The following NRG3 variants were observed in gnomAD, a reference collection of about 807,000 sequenced individuals.
The protein encoded by NRG3 is pro-neuregulin-3, membrane-bound isoform.
A neutral mutation model predicts 66.9 loss-of-function variants in NRG3; 31 were observed. The observed-to-expected ratio is 0.46, with a 90% CI of 0.35 to 0.63. NRG3 has a LOEUF of 0.63. NRG3 is among the 20% of genes least tolerant of loss of function. NRG3 has a pLI of 0.00. For synonymous variants in NRG3, 393 were observed against 359.4 expected (o/e 1.09, Z -1.06); for missense variants, 910 against 878.9 (o/e 1.04, Z -0.45).
chr10:82,219,317 A>G (rs1371055974), intron 1 of NRG3, among the ~76,000 whole-genome samples: 1 of 147,710 alleles, frequency 6.8e-6, no homozygotes, highest in Non-Finnish European at 1.5e-5. Flanking sequence ...TTTTTTGGCA[A>G]TAAAAAATAT....
chr10:82,208,134 A>T (rs2075217785), intron 1 of NRG3, among the ~76,000 whole-genome samples: 1 of 152,282 alleles, frequency 6.6e-6, no homozygotes, highest in African/African-American at 2.4e-5. Flanking sequence ...CTTAAGTCTC[A>T]TCGATATAAA....
chr10:82,068,483 A>G (rs1274018095), intron 1 of NRG3, among the ~76,000 whole-genome samples: 2 of 152,226 alleles, frequency 1.3e-5, no homozygotes, highest in Non-Finnish European at 2.9e-5. Flanking sequence ...AGAAGCGTAC[A>G]GCTTAGTTGA....
At chr10:82,107,812 TG>T (rs2067159692) in intron 1 of NRG3, among the ~76,000 whole-genome samples, 1 of 152,068 alleles carries the variant, frequency 6.6e-6, no homozygotes, top group Admixed American at 6.6e-5. Flanking sequence ...AAAAGAAAAA[TG>T]TATGTTTAAA....
chr10:81,946,056 G>T (rs540718841), intron 1 of NRG3, among the ~76,000 whole-genome samples: 2 of 151,974 alleles, frequency 1.3e-5, no homozygotes, highest in Non-Finnish European at 2.9e-5. Flanking sequence ...TTGCTTTGTC[G>T]TCCAGGCTGG....
At chr10:82,281,508 T>C (rs1296889334) in intron 1 of NRG3, among the ~76,000 whole-genome samples, 1 of 151,808 alleles carries the variant, frequency 6.6e-6, no homozygotes, top group African/African-American at 2.4e-5. Context: ...TGGTGGTTGG[T>C]GAGGATGGAG....
intron 1 of NRG3, among the ~76,000 whole-genome samples, chr10:82,075,981 G>T (rs1205151700): frequency 6.6e-6 from 1 of 151,388 alleles, no homozygotes; most frequent in African/African-American, 2.4e-5. Flanking sequence ...ATTTAAAGAA[G>T]ACTAGGAAAT....
chr10:82,937,280 C>G (rs1372361865), intron 4 of NRG3, among the ~76,000 whole-genome samples: 1 of 152,138 alleles, frequency 6.6e-6, no homozygotes, highest in Non-Finnish European at 1.5e-5. Flanking sequence ...TCAGTAAATG[C>G]ATGGTACAAA....
At chr10:82,877,537 C>CTTTTTTTT (rs61471998) in intron 4 of NRG3, among the ~76,000 whole-genome samples, 24 of 74,942 alleles carry the variant, frequency 3.2e-4, no homozygotes, top group Non-Finnish European at 4.2e-4. Context: ...CCACACCCGG[C>CTTTTTTTT]TTTTTTTTTT....
chr10:82,446,462 G>T (rs1590162181), intron 2 of NRG3, among the ~76,000 whole-genome samples: 1 of 152,066 alleles, frequency 6.6e-6, no homozygotes, highest in African/African-American at 2.4e-5. Flanking sequence ...GCCATAAAAA[G>T]GAATGAGATC....
chr10:82,232,495 TCTC>T (rs1358093229), intron 1 of NRG3: 2 of 439,122 alleles, frequency 4.6e-6, no homozygotes, highest in Admixed American at 3.7e-5. Flanking sequence ...AGATGGCTCT[TCTC>T]CTAACAGGTG....
At chr10:82,102,792 C>T (rs1301161286) in intron 1 of NRG3, among the ~76,000 whole-genome samples, 1 of 151,804 alleles carries the variant, frequency 6.6e-6, no homozygotes, top group East Asian at 1.9e-4. Context: ...TTAATTTTCC[C>T]CTTTATCTTA....
chr10:82,283,537 A>C (rs2134473960), intron 1 of NRG3, among the ~76,000 whole-genome samples: 1 of 152,314 alleles, frequency 6.6e-6, no homozygotes, highest in East Asian at 1.9e-4. Flanking sequence ...GTAGGGTAGG[A>C]AATCTCTAGC....
intron 1 of NRG3, chr10:82,232,420 T>C: frequency 4.8e-6 from 1 of 210,498 alleles, no homozygotes; most frequent in Middle Eastern, 1.8e-3. Context: ...CAAAATCCTG[T>C]ATGTTGTCCT....
In NRG3 at chr10:82,973,821, T is replaced by C. The variant is rs914912828; in HGVS notation, c.1318T>C (p.Leu440=). The C allele has an allele frequency of 1.2e-5, 20 of 1,614,020 alleles. No homozygotes were observed. Among genetic ancestry groups the C allele is most frequent in the East Asian group, 2.2e-5 (1 of 44,874 alleles). The change falls in exon 7 of 9, where the codon TTG becomes CTG. Residue 440 remains leucine, a synonymous_variant. Transcript: ENST00000372141. ...SKVERHPVTA[L]EKMMESSFVG... is the part of the protein sequence containing the mutation. ...GGTGGAAAGGCATCCTGTGACTGCATTGGAGAAAATGATGGAGTCAAGTTT... is the reference window on the plus strand; with the variant it reads ...GGTGGAAAGGCATCCTGTGACTGCACTGGAGAAAATGATGGAGTCAAGTTT...
rs762658746 is a variant in NRG3 at position 82,738,547 on chromosome 10, G to A, written c.954-30G>A. ...TCTTAAGTCTTTCACAACCACATGC[G>A]TATGTTTGTCATTTATCCCCTTTTC... is the stretch of plus-strand genomic sequence containing the variant. On this transcript the variant is annotated intron_variant, in intron 2 of 8. Transcript: ENST00000372141. The A allele has an allele frequency of 4.4e-5, 69 of 1,578,798 alleles. No homozygotes were observed. The South Asian group carries it at 4.5e-4, about 10-fold the overall frequency.
chr10:81,894,278 T>C (rs1171412191), intron 1 of NRG3, among the ~76,000 whole-genome samples: 3 of 152,022 alleles, frequency 2.0e-5, no homozygotes, highest in African/African-American at 7.2e-5. Context: ...GAGGCAGAGG[T>C]TGCAGTGAGC....
chr10:81,923,421 G>T (rs1432363972), intron 1 of NRG3, among the ~76,000 whole-genome samples: 1 of 152,156 alleles, frequency 6.6e-6, no homozygotes, highest in African/African-American at 2.4e-5. Context: ...TAGCCAGAAT[G>T]GTCTCGATCT....
intron 1 of NRG3, among the ~76,000 whole-genome samples, chr10:81,953,180 G>A (rs1333785466): frequency 6.6e-6 from 1 of 152,210 alleles, no homozygotes; most frequent in East Asian, 1.9e-4. Flanking sequence ...CTGTGGCTAG[G>A]TAGATACCCA....
Position 82,288,063 on chromosome 10 carries a change from TG to T in NRG3, c.824-70672del, listed in dbSNP as rs534149191. Among the ~76,000 whole-genome samples the T allele has an allele frequency of 9.2e-5, 14 of 152,320 alleles. No homozygotes were observed. The South Asian group carries it at 2.9e-3, about 32-fold the overall frequency. Reference sequence around the variant, plus strand: ...TATGTGATTATAAGGGGAGCCCCGATGGGGTCCCATTTATTCCTTTATGATT... The same window carrying T: ...TATGTGATTATAAGGGGAGCCCCGATGGGTCCCATTTATTCCTTTATGATT... On this transcript the variant is annotated intron_variant, in intron 1 of 8. Coordinates refer to ENST00000372141, the MANE Select transcript of NRG3 (RefSeq NM_001010848.4).
Sources: gnomAD v4.1 joint callset for allele counts (sites outside exome capture counted in the v4.1 genomes callset) on GRCh38, gnomAD v4.1.1 for gene constraint, MANE v1.5 for transcripts, NCBI Gene and HGNC (gene_info 2026-07-23, HGNC 2026-07-21) for gene names.